The following DOCK5 variants were observed in gnomAD, a reference collection of about 807,000 sequenced individuals.
The protein encoded by DOCK5 is dedicator of cytokinesis 5.
A neutral mutation model predicts 251.8 loss-of-function variants in DOCK5; 142 were observed. The ratio of observed to expected loss-of-function variants is 0.56; its 90% confidence interval spans 0.49 to 0.65. DOCK5 has a LOEUF of 0.65. DOCK5 is among the 30% of genes least tolerant of loss of function. DOCK5 has a pLI of 0.00. For missense variants in DOCK5, 2,111 were observed against 2,312.3 expected (o/e 0.91, Z 1.79); for synonymous variants, 842 against 835.5 (o/e 1.01, Z -0.13).
At chr8:25,274,876 C>A (rs1049920684) in intron 3 of DOCK5, among the ~76,000 whole-genome samples, 4 of 151,798 alleles carry the variant, frequency 2.6e-5, no homozygotes, top group Non-Finnish European at 4.4e-5. Flanking sequence ...AAAGTATATG[C>A]GGGTTGTGCA....
At chr8:25,279,527 C>T (rs371069853) in intron 5 of DOCK5, among the ~76,000 whole-genome samples, 52 of 151,434 alleles carry the variant, frequency 3.4e-4, no homozygotes, top group Admixed American at 3.3e-3. Flanking sequence ...ACTGCAGTGG[C>T]GCTGTCCCGG....
chr8:25,280,566 G>A (rs1563336135), intron 5 of DOCK5, among the ~76,000 whole-genome samples: 1 of 152,122 alleles, frequency 6.6e-6, no homozygotes, highest in Non-Finnish European at 1.5e-5. Flanking sequence ...TTGTTTAGAC[G>A]CTTTCTTCTT....
chr8:25,305,136 C>T (rs1804872013), intron 11 of DOCK5: 1 of 152,230 alleles, frequency 6.6e-6, no homozygotes, highest in Non-Finnish European at 1.5e-5. Context: ...GCCATCGTGC[C>T]AGTCAGAGGG....
At chr8:25,367,303 T>C (rs2117277614) in intron 31 of DOCK5, among the ~76,000 whole-genome samples, 1 of 152,292 alleles carries the variant, frequency 6.6e-6, no homozygotes, top group East Asian at 1.9e-4. Context: ...TCCTCATTCA[T>C]AGCGCTTCAC....
rs1036098717 is a variant in DOCK5, at chr8:25,415,363, C to G, written c.*4065C>G. The G allele has an allele frequency of 6.6e-5, 10 of 152,154 alleles. No homozygotes were observed. The highest frequency in any genetic ancestry group is 1.3e-4 in the Non-Finnish European group (9 of 68,032). The allele number at this position is 152,154 out of a possible 1,614,324, so 9.4% of individuals were successfully genotyped here. A position where few individuals can be genotyped will look rare whatever the true frequency, so the allele number is the denominator to read the frequency against. ...TATCACTTCCTTAGATACCTTCATT[C>G]AGTGATATATCTGGCTTTTACAATT... On this transcript the variant is annotated 3_prime_UTR_variant, in exon 52 of 52. Coordinates refer to ENST00000276440, the MANE Select transcript of DOCK5 (RefSeq NM_024940.8).
At chr8:25,331,319 G>C (rs1486695105) in intron 18 of DOCK5, among the ~76,000 whole-genome samples, 2 of 151,588 alleles carry the variant, frequency 1.3e-5, no homozygotes, top group African/African-American at 4.9e-5. Context: ...TGTTGCCCAG[G>C]CTGGTCTTGA....
chr8:25,397,777 G>A (rs1801371672), intron 45 of DOCK5, among the ~76,000 whole-genome samples: 1 of 109,996 alleles, frequency 9.1e-6, no homozygotes, highest in Admixed American at 1.0e-4. Flanking sequence ...ATCATATGAA[G>A]TTTTTCCAGC....
rs2271108 is a variant in DOCK5, at chr8:25,372,652, C to T, written c.3618C>T (p.Asp1206=). ...GCAGCCTCTTAGAGAACCTGCTGGA[C>T]TATAGAACCATCATCATGCAAGATG... ...LVSSLLENLL[D]YRTIIMQDES... is the part of the protein sequence containing the mutation. The change falls in exon 35 of 52, where the codon GAC becomes GAT. Residue 1206 remains aspartate (D), a synonymous_variant. Coordinates refer to ENST00000276440, the MANE Select transcript of DOCK5 (RefSeq NM_024940.8). 0.48 allele frequency: 773,621 copies of T among 1,609,664 alleles called. 187,713 individuals carry two copies. Among genetic ancestry groups the T allele is most frequent in the Middle Eastern group, 0.55 (3,316 of 6,038 alleles).
At chr8:25,280,716 T>C (rs1458234680) in intron 5 of DOCK5, among the ~76,000 whole-genome samples, 1 of 152,212 alleles carries the variant, frequency 6.6e-6, no homozygotes, top group Non-Finnish European at 1.5e-5. Flanking sequence ...TATGTTTAGT[T>C]GAAGAGAGAA....
rs767718943 is a variant in DOCK5 at position 25,345,445 on chromosome 8, T to C, written c.2618-30T>C. 3.1e-6 allele frequency: 5 copies of C among 1,611,552 alleles called. No individual in the cohort carries two copies. The Admixed American group carries it at 8.3e-5, about 27-fold the overall frequency. ...GGCAGTTCAGGAGGTGGCACTGCTG[T>C]GTGTGAGCTGTCTGTGTTTTCCTTC... On this transcript the variant is annotated intron_variant, in intron 25 of 51. Coordinates refer to ENST00000276440, the MANE Select transcript of DOCK5 (RefSeq NM_024940.8).
chr8:25,396,104 G>C lies in DOCK5; in HGVS notation c.4704+385G>C, dbSNP rs1272496262. ...TTTAGAATTAGCTTCTAGGGGCCAGGTGTAGTGGTTCACACCTGTAATCCC... is the reference window on the plus strand; with the variant it reads ...TTTAGAATTAGCTTCTAGGGGCCAGCTGTAGTGGTTCACACCTGTAATCCC... On this transcript the variant is annotated intron_variant, in intron 45 of 51. Coordinates refer to ENST00000276440, the MANE Select transcript of DOCK5 (RefSeq NM_024940.8). Among the ~76,000 whole-genome samples, 24 of 152,204 alleles carry C rather than the reference G, an allele frequency of 1.6e-4. 1 individual carries two copies. Among genetic ancestry groups the C allele is most frequent in the Admixed American group, 1.6e-3 (24 of 15,284 alleles).
At chr8:25,218,488 A>G (rs960475162) in intron 1 of DOCK5, among the ~76,000 whole-genome samples, 2 of 152,218 alleles carry the variant, frequency 1.3e-5, no homozygotes, top group Non-Finnish European at 1.5e-5. Flanking sequence ...GCCATGGTCC[A>G]GGGACAGCTG....
chr8:25,237,798 TTGCC>T (rs1400472897), intron 1 of DOCK5, among the ~76,000 whole-genome samples: 1 of 152,194 alleles, frequency 6.6e-6, no homozygotes, highest in Non-Finnish European at 1.5e-5. Context: ...CATGTTTCTT[TTGCC>T]TCTTCTCATT....
chr8:25,339,716 G>A (rs768828046), intron 22 of DOCK5, among the ~76,000 whole-genome samples: 3 of 152,230 alleles, frequency 2.0e-5, no homozygotes, highest in South Asian at 2.1e-4. Context: ...GAGAGAGAGC[G>A]GGAGTGGCCA....
At chr8:25,401,952 G>A (rs575019211) in intron 47 of DOCK5, among the ~76,000 whole-genome samples, 172 of 152,192 alleles carry the variant, frequency 1.1e-3, no homozygotes, top group African/African-American at 3.9e-3. Flanking sequence ...TGTTTTTGAC[G>A]AGCTCCTCAC....
In DOCK5 at chr8:25,300,501, G is replaced by A. The variant is rs1212349265; in HGVS notation, c.765-75G>A. The A allele has an allele frequency of 2.3e-6, 3 of 1,322,298 alleles. No individual in the cohort carries two copies. In the African/African-American group the frequency reaches 4.4e-5, roughly 19 times the overall value. The allele number at this position is 1,322,298 out of a possible 1,614,324, so 81.9% of individuals were successfully genotyped here. A position where few individuals can be genotyped will look rare whatever the true frequency, so the allele number is the denominator to read the frequency against. On this transcript the variant is annotated intron_variant, in intron 8 of 51. Coordinates refer to ENST00000276440, the MANE Select transcript of DOCK5 (RefSeq NM_024940.8). ...CTGGCCTTTCCTCCTTCCCTTGTAAGTCTATACTGAGGGTAGCCTCATCTC... is the reference window on the plus strand; with the variant it reads ...CTGGCCTTTCCTCCTTCCCTTGTAAATCTATACTGAGGGTAGCCTCATCTC...
At chr8:25,385,499 T>C (rs957431878) in intron 40 of DOCK5, among the ~76,000 whole-genome samples, 6 of 151,966 alleles carry the variant, frequency 3.9e-5, no homozygotes, top group African/African-American at 1.5e-4. Context: ...GCCTGCATCA[T>C]TGGAGGGGGT....
chr8:25,366,980 C>A lies in DOCK5; in HGVS notation c.3224+10C>A, dbSNP rs757299056. On this transcript the variant is annotated intron_variant, in intron 31 of 51. Coordinates refer to ENST00000276440, the MANE Select transcript of DOCK5 (RefSeq NM_024940.8). ...ACAAAATTGTTAAAAAGTAAGTGTC[C>A]TTTTAAAGTTAAGATCGGGAAGGGG... The A allele has an allele frequency of 6.2e-7, 1 of 1,609,084 alleles. No individual in the cohort carries two copies. The highest frequency in any genetic ancestry group is 2.2e-5 in the East Asian group (1 of 44,796).
At chr8:25,223,958 C>T (rs1802455162) in intron 1 of DOCK5, among the ~76,000 whole-genome samples, 1 of 152,170 alleles carries the variant, frequency 6.6e-6, no homozygotes, top group Admixed American at 6.5e-5. Context: ...CCTCCAATTT[C>T]TCTGTTTTAT....
Sources: allele counts gnomAD v4.1 joint callset (sites outside exome capture counted in the v4.1 genomes callset), GRCh38; gene constraint gnomAD v4.1.1; transcripts MANE v1.5; gene names NCBI Gene and HGNC (gene_info 2026-07-23, HGNC 2026-07-21).